The following ZNF8 variants were observed in gnomAD, a reference collection of about 807,000 sequenced individuals.
ZNF8 encodes zinc finger protein 8, also known as zinc finger protein 272.
A neutral mutation model predicts 12.2 loss-of-function variants in ZNF8; 9 were observed. That is an observed-to-expected ratio of 0.73 (90% CI 0.44 to 1.28). The LOEUF is 1.28. ZNF8 is among the 50% of genes most tolerant of loss of function. ZNF8 has a pLI of 0.00. For synonymous variants in ZNF8, 274 were observed against 282.3 expected (o/e 0.97, Z 0.30); for missense variants, 664 against 729.1 (o/e 0.91, Z 1.03).
Position 58,302,236 on chromosome 19 carries a change from T to C in ZNF8, c.*6700T>C, listed in dbSNP as rs766308770. The C allele has an allele frequency of 6.6e-5, 10 of 152,222 alleles. No homozygotes were observed. Among genetic ancestry groups the C allele is most frequent in the South Asian group, 2.1e-4 (1 of 4,834 alleles). The allele number at this position is 152,222 out of a possible 1,614,324, so 9.4% of individuals were successfully genotyped here. Reference sequence around the variant, plus strand: ...ACTAGGGAAAAGACATGTTTTTTTCTGTTCATAAAAGTAATGCGAGTTCTT... The same window carrying C: ...ACTAGGGAAAAGACATGTTTTTTTCCGTTCATAAAAGTAATGCGAGTTCTT... On this transcript the variant is annotated 3_prime_UTR_variant, in exon 4 of 4. Transcript: ENST00000621650.
At chr19:58,280,225 A>G (rs1019835118) in intron 1 of ZNF8, 3 of 244,502 alleles carry the variant, frequency 1.2e-5, no homozygotes, top group Admixed American at 1.1e-4. Context: ...TGAAGATGTC[A>G]GCATAGCTGT....
At chr19:58,290,118 T>TTC (rs1555774697) in intron 3 of ZNF8, among the ~76,000 whole-genome samples, 18 of 132,628 alleles carry the variant, frequency 1.4e-4, no homozygotes, top group Non-Finnish European at 2.4e-4. Flanking sequence ...CTTTTTTTTT[T>TTC]TTTTTTTTTT....
In ZNF8 at chr19:58,296,013, G is replaced by A. The variant is rs934425372; in HGVS notation, c.*477G>A. ...TGTTGACCATGGCAATACTGTGAGG[G>A]GCCTTCCCATGTGGAACGTGACCTT... On this transcript the variant is annotated 3_prime_UTR_variant, in exon 4 of 4. Coordinates refer to ENST00000621650, the MANE Select transcript of ZNF8 (RefSeq NM_021089.3). The A allele has an allele frequency of 6.5e-6, 1 of 154,760 alleles. No homozygotes were observed. Among genetic ancestry groups the A allele is most frequent in the Non-Finnish European group, 1.4e-5 (1 of 69,932 alleles). 9.6% of individuals were successfully genotyped at this position (154,760 alleles called of 1,614,324 possible).
chr19:58,282,767 A>C (rs532986264), intron 1 of ZNF8, among the ~76,000 whole-genome samples: 1 of 152,026 alleles, frequency 6.6e-6, no homozygotes, highest in African/African-American at 2.4e-5. Context: ...AGCTGGGACT[A>C]CAGGAGCACG....
At position 58,301,239 on chromosome 19, in the gene ZNF8, G is replaced by GC. The variant is rs1298202104; in HGVS notation, c.*5705dup. On this transcript the variant is annotated 3_prime_UTR_variant, in exon 4 of 4. Coordinates refer to ENST00000621650, the MANE Select transcript of ZNF8 (RefSeq NM_021089.3). ...CCTTTCCTGGAGGCTGTTTCCACTT[G>GC]CCATCCCATCATGGAAGCCAGAAAA... 5 of 152,120 alleles carry GC rather than the reference G, an allele frequency of 3.3e-5. No homozygotes were observed. Among genetic ancestry groups the GC allele is most frequent in the African/African-American group, 1.2e-4 (5 of 41,404 alleles). The allele number at this position is 152,120 out of a possible 1,614,324, so 9.4% of individuals were successfully genotyped here. A position where few individuals can be genotyped will look rare whatever the true frequency, so the allele number is the denominator to read the frequency against.
chr19:58,279,206 C>A, intron 1 of ZNF8, 59 bp downstream of exon 1: 1 of 1,539,930 alleles, frequency 6.5e-7, no homozygotes, highest in Non-Finnish European at 8.7e-7. Flanking sequence ...CCCGCGCAGA[C>A]TGACCCTTTC....
Position 58,294,865 on chromosome 19 carries a change from A to C in ZNF8, c.1057A>C (p.Asn353His). The change falls in exon 4 of 4, where the codon AAC becomes CAC. Residue 353 changes from asparagine (N) to histidine (H), a missense_variant. Transcript: ENST00000621650. This position sits in a 1 kb window ranked among gnomAD's most constrained non-coding sequence, Gnocchi z 5.5. ...CQDCGRAFNQ[N>H]SSLGRHKRTH... ...GGACTGTGGGAGGGCCTTCAACCAG[A>C]ACTCCTCCCTGGGGCGGCACAAGAG... The C allele has an allele frequency of 6.2e-7, 1 of 1,614,078 alleles. No individual in the cohort carries two copies. Among genetic ancestry groups the C allele is most frequent in the Non-Finnish European group, 8.5e-7 (1 of 1,180,006 alleles).
In ZNF8 at chr19:58,281,839, G is replaced by T. The variant is rs993519125; in HGVS notation, c.66+2692G>T. On this transcript the variant is annotated intron_variant, in intron 1 of 3. Coordinates refer to ENST00000621650, the MANE Select transcript of ZNF8 (RefSeq NM_021089.3). The stretch of plus-strand genomic sequence containing the variant: ...AAAATTGAAGTATTTGGGGCCTGGT[G>T]CAGTGGCTCATGCCTGTAATCCCAG... Among the ~76,000 whole-genome samples the T allele has an allele frequency of 2.0e-5, 3 of 152,164 alleles. No homozygotes were observed. In the East Asian group the frequency reaches 5.8e-4, roughly 29 times the overall value.
At chr19:58,288,421 C>T (rs1271707242) in intron 3 of ZNF8, among the ~76,000 whole-genome samples, 2 of 152,156 alleles carry the variant, frequency 1.3e-5, no homozygotes, top group African/African-American at 2.4e-5. Flanking sequence ...CACAGTTGTG[C>T]TCCATGCAGG....
At chr19:58,286,087 C>G in intron 2 of ZNF8, 23 bp from the exon 3 acceptor site, 2 of 1,611,078 alleles carry the variant, frequency 1.2e-6, no homozygotes, top group Non-Finnish European at 1.7e-6. Flanking sequence ...CCCCTCACCT[C>G]CTGTGTTTTT....
Position 58,297,527 on chromosome 19 carries a change from C to T in ZNF8, c.*1991C>T, listed in dbSNP as rs996048438. ...CTCCTGGGCTCAAGTGATCCTCCCA[C>T]CCCAGCCTCCCAAGTAGCTGGGACC... On this transcript the variant is annotated 3_prime_UTR_variant, in exon 4 of 4. Coordinates refer to ENST00000621650, the MANE Select transcript of ZNF8 (RefSeq NM_021089.3). 1 of 152,134 alleles carries T rather than the reference C, an allele frequency of 6.6e-6. No individual in the cohort carries two copies. Among genetic ancestry groups the T allele is most frequent in the Non-Finnish European group, 1.5e-5 (1 of 68,052 alleles). The allele number at this position is 152,134 out of a possible 1,614,324, so 9.4% of individuals were successfully genotyped here. A position where few individuals can be genotyped will look rare whatever the true frequency, so the allele number is the denominator to read the frequency against.
At position 58,294,306 on chromosome 19, in the gene ZNF8, A is replaced by C. The variant is rs373384317; in HGVS notation, c.498A>C (p.Ala166=). ...AGTTGGAATTTGGCCTCAAGGAAGC[A>C]CCAGTTCAAGATCAAGGCTACAAAA... ...LKQLEFGLKE[A]PVQDQGYKTL... is the part of the protein sequence containing the mutation. Residue 166 remains alanine, a synonymous_variant, in exon 4 of 4, where the codon GCA becomes GCC. Transcript: ENST00000621650. The surrounding 1 kb of genome is among the most constrained non-coding windows in gnomAD (Gnocchi z 5.5). 5.5e-5 allele frequency: 89 copies of C among 1,614,036 alleles called. No individual in the cohort carries two copies. The highest frequency in any genetic ancestry group is 7.4e-5 in the Non-Finnish European group (87 of 1,180,024).
rs1442444094 is a variant in ZNF8, at chr19:58,295,350, G to C, written c.1542G>C (p.Gln514His). Residue 514 changes from glutamine to histidine, a missense_variant, in exon 4 of 4, where the codon CAG (glutamine) becomes CAC (histidine). Physicochemically the swap from Gln to His is conservative, Grantham distance 24. Coordinates refer to ENST00000621650, the MANE Select transcript of ZNF8 (RefSeq NM_021089.3). ...CGAGCAGGAACTCACACCTGGTTCA[G>C]CATCAACACCCGAACTCCAGAAAGA... ...QSSSRNSHLVQHQHPNSRKSS... is the reference protein window; with the variant it reads ...QSSSRNSHLVHHQHPNSRKSS... The C allele has an allele frequency of 6.2e-7, 1 of 1,614,202 alleles. No homozygotes were observed. Among genetic ancestry groups the C allele is most frequent in the Non-Finnish European group, 8.5e-7 (1 of 1,180,016 alleles).
rs1646440352 is a variant in ZNF8 at position 58,278,994 on chromosome 19, G to A, written c.-88G>A. 1.5e-6 allele frequency: 2 copies of A among 1,340,614 alleles called. No individual in the cohort carries two copies. The highest frequency in any genetic ancestry group is 3.8e-5 in the South Asian group (2 of 52,278). The allele number at this position is 1,340,614 out of a possible 1,614,324, so 83.0% of individuals were successfully genotyped here. A position where few individuals can be genotyped will look rare whatever the true frequency, so the allele number is the denominator to read the frequency against. On this transcript the variant is annotated 5_prime_UTR_variant, in exon 1 of 4. Transcript: ENST00000621650. ...GCCGGTGCGGCCGCCATTGTCCGGC[G>A]TTCGGCGAGTCGGGTGGTCCCTTTG...
In ZNF8 at chr19:58,298,994, A is replaced by G. The variant is rs997321232; in HGVS notation, c.*3458A>G. 5.3e-5 allele frequency: 8 copies of G among 151,240 alleles called. No individual in the cohort carries two copies. Among genetic ancestry groups the G allele is most frequent in the African/African-American group, 1.7e-4 (7 of 40,976 alleles). 9.4% of individuals were successfully genotyped at this position (151,240 alleles called of 1,614,324 possible). On this transcript the variant is annotated 3_prime_UTR_variant, in exon 4 of 4. Transcript: ENST00000621650. ...CTCAGCAGATTTCTTAATTGTTTGT[A>G]GAGATGGGGTTTTACTACATTGCCT...
Position 58,295,448 on chromosome 19 carries a change from T to C in ZNF8, c.1640T>C (p.Met547Thr). ...GCTTTGTTTGACATCCAAAAAATCATGCAAGAGAAAAACCCTGTGCACGTT... is the reference window on the plus strand; with the variant it reads ...GCTTTGTTTGACATCCAAAAAATCACGCAAGAGAAAAACCCTGTGCACGTT... ...ALALFDIQKI[M>T]QEKNPVHVIG... Residue 547 changes from methionine (M) to threonine (T), a missense_variant, in exon 4 of 4, where the codon ATG (methionine) becomes ACG (threonine). Coordinates refer to ENST00000621650, the MANE Select transcript of ZNF8 (RefSeq NM_021089.3). 1 of 1,613,822 alleles carries C rather than the reference T, an allele frequency of 6.2e-7. No homozygotes were observed. The highest frequency in any genetic ancestry group is 8.5e-7 in the Non-Finnish European group (1 of 1,180,014).
chr19:58,285,723 G>C lies in ZNF8; in HGVS notation c.73G>C (p.Val25Leu). The C allele has an allele frequency of 6.2e-7, 1 of 1,614,188 alleles. No individual in the cohort carries two copies. The highest frequency in any genetic ancestry group is 8.5e-7 in the Non-Finnish European group (1 of 1,180,026). ...GPPAARLQEPVTFRDVAVDFT... is the reference protein window; with the variant it reads ...GPPAARLQEPLTFRDVAVDFT... ...AATGTGTGTGATGTTTCAGGAACCA[G>C]TGACCTTCCGGGATGTGGCTGTGGA... The change falls in exon 2 of 4, where the codon GTG (valine) becomes CTG (leucine). Residue 25 changes from valine to leucine, a missense_variant. Transcript: ENST00000621650.
chr19:58,298,028 C>CG lies in ZNF8; in HGVS notation c.*2492_*2493insG, dbSNP rs536309713. ...AATTTCACTTAATTTCTTTTCTTTT[C>CG]TTTTTTTTTTTTTTCTTTTGAGACG... On this transcript the variant is annotated 3_prime_UTR_variant, in exon 4 of 4. Coordinates refer to ENST00000621650, the MANE Select transcript of ZNF8 (RefSeq NM_021089.3). The CG allele has an allele frequency of 5.5e-5, 8 of 144,166 alleles. No homozygotes were observed. Among genetic ancestry groups the CG allele is most frequent in the African/African-American group, 2.0e-4 (8 of 39,520 alleles). 8.9% of individuals were successfully genotyped at this position (144,166 alleles called of 1,614,324 possible).
rs571675172 is a variant in ZNF8, at chr19:58,279,424, G to T, written c.66+277G>T. ...GGTCATTCCCGAGAGAATCGAGCAGGCCCATCTCCTGCGTTCTGCTCCGCC... is the reference window on the plus strand; with the variant it reads ...GGTCATTCCCGAGAGAATCGAGCAGTCCCATCTCCTGCGTTCTGCTCCGCC... On this transcript the variant is annotated intron_variant, in intron 1 of 3. Transcript: ENST00000621650. The T allele has an allele frequency of 8.3e-6, 12 of 1,450,094 alleles. No individual in the cohort carries two copies. The South Asian group carries it at 1.5e-4, about 19-fold the overall frequency. The allele number at this position is 1,450,094 out of a possible 1,614,324, so 89.8% of individuals were successfully genotyped here.
Sources: gnomAD v4.1 joint callset for allele counts (sites outside exome capture counted in the v4.1 genomes callset) on GRCh38, gnomAD v4.1.1 for gene constraint, Gnocchi (gnomAD v3.1) non-coding constraint, MANE v1.5 for transcripts, NCBI Gene and HGNC (gene_info 2026-07-23, HGNC 2026-07-21) for gene names.